The following BRINP3 variants were observed in gnomAD, a reference collection of about 807,000 sequenced individuals.
BRINP3 encodes the protein BMP/retinoic acid inducible neural specific 3, also known as BMP/retinoic acid-inducible neural-specific protein 3.
Under a neutral mutation model 71.0 loss-of-function variants are expected in BRINP3, and 19 were observed. That is an observed-to-expected ratio of 0.27 (90% CI 0.19 to 0.39). The LOEUF is 0.39. Among genes scored for constraint, BRINP3 ranks in the 10% least tolerant of loss-of-function variants. The pLI, the probability that BRINP3 is intolerant of heterozygous loss-of-function variation, is 1.00. For missense variants in BRINP3, 959 were observed against 940.8 expected, an observed-to-expected ratio of 1.02 and a Z score of -0.25; for synonymous variants, 380 against 337.7, an observed-to-expected ratio of 1.13 and a Z score of -1.37.
intron 2 of BRINP3, among the ~76,000 whole-genome samples, chr1:190,398,752 T>C: frequency 6.6e-6 from 1 of 152,072 alleles, no homozygotes; most frequent in East Asian, 1.9e-4. Context: ...AGGTAGGTAT[T>C]ATTAATATTG....
At position 190,129,560 on chromosome 1, in the gene BRINP3, C is replaced by T. The variant is rs1436556898; in HGVS notation, c.1185-30426G>A. On this transcript the variant is annotated intron_variant, in intron 7 of 7. Coordinates refer to ENST00000367462, the MANE Select transcript of BRINP3 (RefSeq NM_199051.3). ...TTTCTGAACACTAAGGACAATAAGC[C>T]AATCTGTGTTTAGAGCAGCATGCTT... is the stretch of plus-strand genomic sequence containing the variant. Among the ~76,000 whole-genome samples, 4 of 151,848 alleles carry T rather than the reference C, an allele frequency of 2.6e-5. No homozygotes were observed. The East Asian group carries it at 7.7e-4, about 29-fold the overall frequency.
intron 2 of BRINP3, among the ~76,000 whole-genome samples, chr1:190,304,751 T>C (rs765107518): frequency 7.3e-5 from 11 of 151,598 alleles, no homozygotes; most frequent in African/African-American, 2.7e-4. Context: ...TAAAGGCAAA[T>C]ATAGATAGAT....
chr1:190,352,136 T>A (rs866584341), intron 2 of BRINP3, among the ~76,000 whole-genome samples: 39 of 151,934 alleles, frequency 2.6e-4, no homozygotes, highest in South Asian at 1.9e-3. Context: ...GGAAAAAAAA[T>A]TTGTGTAGAA....
intron 4 of BRINP3, among the ~76,000 whole-genome samples, chr1:190,236,304 G>C (rs1474307721): frequency 6.6e-6 from 1 of 151,908 alleles, no homozygotes. Context: ...ATTTAAAGGA[G>C]CTCAGTTTTG....
chr1:190,144,332 C>T (rs1272490385), intron 7 of BRINP3, among the ~76,000 whole-genome samples: 2 of 152,022 alleles, frequency 1.3e-5, no homozygotes, highest in Non-Finnish European at 2.9e-5. Context: ...AGTGGAAGTT[C>T]AGGGAAAGTA....
At chr1:190,291,499 T>C (rs2102968091) in intron 2 of BRINP3, among the ~76,000 whole-genome samples, 1 of 152,166 alleles carries the variant, frequency 6.6e-6, no homozygotes, top group African/African-American at 2.4e-5. Flanking sequence ...AAGAAGGACC[T>C]GAATAGATAT....
intron 2 of BRINP3, among the ~76,000 whole-genome samples, chr1:190,312,974 C>T (rs1665635516): frequency 6.6e-6 from 1 of 151,718 alleles, no homozygotes; most frequent in Admixed American, 6.6e-5. Context: ...TCAATGTATC[C>T]TTATAATAGC....
At chr1:190,248,245 G>A (rs1013434143) in intron 4 of BRINP3, among the ~76,000 whole-genome samples, 1 of 151,104 alleles carries the variant, frequency 6.6e-6, no homozygotes, top group African/African-American at 2.4e-5. Context: ...AAGTACTTTT[G>A]CTTTTATTTT....
intron 7 of BRINP3, among the ~76,000 whole-genome samples, chr1:190,122,156 C>A (rs1312508127): frequency 6.6e-6 from 1 of 152,116 alleles, no homozygotes; most frequent in Admixed American, 6.6e-5. Context: ...TTTTTAGTAT[C>A]ATTTTCTGCC....
chr1:190,215,961 A>G (rs1656376095), intron 6 of BRINP3, among the ~76,000 whole-genome samples: 1 of 150,476 alleles, frequency 6.6e-6, no homozygotes, highest in Non-Finnish European at 1.5e-5. Context: ...AGGATTATTA[A>G]TTGCATGAAG....
chr1:190,098,197 C>A lies in BRINP3; in HGVS notation c.2122G>T (p.Asp708Tyr). 1 of 1,614,160 alleles carries A rather than the reference C, an allele frequency of 6.2e-7. No individual in the cohort carries two copies. The highest frequency in any genetic ancestry group is 1.1e-5 in the South Asian group (1 of 91,086). Residue 708 changes from aspartate (D) to tyrosine (Y), a missense_variant, in exon 8 of 8, where the codon GAC becomes TAC. By Grantham distance (160) the Asp-to-Tyr change is radical (BLOSUM62 -3). Coordinates refer to ENST00000367462, the MANE Select transcript of BRINP3 (RefSeq NM_199051.3). ...SALLQLLEIR[D>Y]RVNKLSPPGQ... ...GGTGGGGAGAGTTTATTTACACGGTCTCTGATCTCTAGTAGTTGCAAAAGT... is the reference window on the plus strand; with the variant it reads ...GGTGGGGAGAGTTTATTTACACGGTATCTGATCTCTAGTAGTTGCAAAAGT...
At chr1:190,159,375 C>T (rs1349121539) in intron 7 of BRINP3, among the ~76,000 whole-genome samples, 1 of 151,870 alleles carries the variant, frequency 6.6e-6, no homozygotes, top group Non-Finnish European at 1.5e-5. Flanking sequence ...GGTATATACC[C>T]AAGAAAATTG....
At chr1:190,106,445 T>C (rs577460959) in intron 7 of BRINP3, among the ~76,000 whole-genome samples, 4 of 151,752 alleles carry the variant, frequency 2.6e-5, no homozygotes, top group African/African-American at 9.6e-5. Context: ...ATCTAAACAA[T>C]AAATTTTAAG....
At chr1:190,423,705 C>G (rs535931990) in intron 2 of BRINP3, among the ~76,000 whole-genome samples, 6 of 151,710 alleles carry the variant, frequency 4.0e-5, no homozygotes, top group Admixed American at 1.3e-4. Flanking sequence ...GTGAATTTCT[C>G]AAACTGTTGA....
chr1:190,233,545 G>A (rs944276304), intron 5 of BRINP3, among the ~76,000 whole-genome samples: 3 of 152,014 alleles, frequency 2.0e-5, no homozygotes, highest in African/African-American at 7.2e-5. Flanking sequence ...AAACTTTTAA[G>A]CATTTTTATG....
chr1:190,406,070 T>C (rs1484455969), intron 2 of BRINP3, among the ~76,000 whole-genome samples: 1 of 152,198 alleles, frequency 6.6e-6, no homozygotes, highest in Non-Finnish European at 1.5e-5. Context: ...ATGCATTTCT[T>C]CAGTCTAGCC....
intron 2 of BRINP3, among the ~76,000 whole-genome samples, chr1:190,393,029 A>T (rs1671346525): frequency 6.6e-6 from 1 of 151,602 alleles, no homozygotes; most frequent in Non-Finnish European, 1.5e-5. Flanking sequence ...AAGGACCAAA[A>T]TATACCCATG....
intron 7 of BRINP3, among the ~76,000 whole-genome samples, chr1:190,121,797 G>A (rs1325021931): frequency 2.0e-5 from 3 of 152,020 alleles, no homozygotes; most frequent in African/African-American, 4.8e-5. Flanking sequence ...TATTACATTA[G>A]AACCTCAAAT....
intron 6 of BRINP3, among the ~76,000 whole-genome samples, chr1:190,186,827 C>G (rs1342441890): frequency 6.6e-6 from 1 of 151,990 alleles, no homozygotes; most frequent in Non-Finnish European, 1.5e-5. Context: ...AAAAATAACT[C>G]TTTTTAAGAA....
Sources: allele counts gnomAD v4.1 joint callset (sites outside exome capture counted in the v4.1 genomes callset), GRCh38; gene constraint gnomAD v4.1.1; transcripts MANE v1.5; gene names NCBI Gene and HGNC (gene_info 2026-07-23, HGNC 2026-07-21).